Variants in LRRC1 observed in about 807,000 individuals in gnomAD.
The protein encoded by LRRC1 is leucine rich repeat containing 1.
In LRRC1, 28 loss-of-function variants were observed where a neutral mutation model predicts 69.9. The ratio of observed to expected loss-of-function variants is 0.40; its 90% CI spans 0.30 to 0.55. The LOEUF is 0.55. LRRC1 is among the 20% of genes least tolerant of loss of function. LRRC1 has a pLI of 0.47. For synonymous variants in LRRC1, 236 were observed against 240.2 expected, an observed-to-expected ratio of 0.98 and a Z score of 0.16; for missense variants, 498 against 609.0, an observed-to-expected ratio of 0.82 and a Z score of 1.92.
chr6:53,854,041 A>G (rs1416575549), intron 2 of LRRC1, among the ~76,000 whole-genome samples: 1 of 152,204 alleles, frequency 6.6e-6, no homozygotes, highest in Non-Finnish European at 1.5e-5. Flanking sequence ...AAATTTTCTT[A>G]GTGTGGCACA....
intron 2 of LRRC1, among the ~76,000 whole-genome samples, chr6:53,847,627 T>G (rs1765989541): frequency 6.6e-6 from 1 of 152,198 alleles, no homozygotes; most frequent in Admixed American, 6.5e-5. Flanking sequence ...AGTAGGGACA[T>G]TGTCTCATCT....
At chr6:53,887,843 C>T (rs1413862444) in intron 4 of LRRC1, among the ~76,000 whole-genome samples, 3 of 152,016 alleles carry the variant, frequency 2.0e-5, no homozygotes, top group Non-Finnish European at 2.9e-5. Flanking sequence ...CTGCAGATGC[C>T]GGTTGGCATG....
Position 53,803,889 on chromosome 6 carries a change from C to T in LRRC1, c.159+8474C>T, listed in dbSNP as rs72948199. On this transcript the variant is annotated intron_variant, in intron 1 of 13. Coordinates refer to ENST00000370888, the MANE Select transcript of LRRC1 (RefSeq NM_018214.5). The stretch of plus-strand genomic sequence containing the variant: ...GCCACCATAGTCACCTTTCTTTCCG[C>T]AGTCCACCCCCGCTTCTTGGGAAGA... Among the ~76,000 whole-genome samples the T allele has an allele frequency of 2.8e-3, 428 of 152,280 alleles. 2 individuals carry two copies. Among genetic ancestry groups the T allele is most frequent in the Non-Finnish European group, 4.7e-3 (317 of 68,018 alleles).
At chr6:53,845,194 AC>A (rs1220108045) in intron 2 of LRRC1, among the ~76,000 whole-genome samples, 6 of 152,144 alleles carry the variant, frequency 3.9e-5, no homozygotes, top group Admixed American at 3.9e-4. Flanking sequence ...ACAGAGCAAG[AC>A]TCCGTCTCAA....
At chr6:53,853,672 G>C (rs1182492970) in intron 2 of LRRC1, among the ~76,000 whole-genome samples, 1 of 152,206 alleles carries the variant, frequency 6.6e-6, no homozygotes, top group African/African-American at 2.4e-5. Context: ...CATTTCTGGG[G>C]TAACTGTTGT....
rs942447719 is a variant in LRRC1 at position 53,879,135 on chromosome 6, A to T, written c.356+64A>T. 3 of 1,113,072 alleles carry T rather than the reference A, an allele frequency of 2.7e-6. No individual in the cohort carries two copies. The African/African-American group carries it at 4.6e-5, about 17-fold the overall frequency. The allele number at this position is 1,113,072 out of a possible 1,614,324, so 68.9% of individuals were successfully genotyped here. On this transcript the variant is annotated intron_variant, in intron 3 of 13. Transcript: ENST00000370888. ...AGTATCTTTTTTGAGAGCCAAGCGG[A>T]GAACACAGTCAGGTTAACCATCTTG...
In LRRC1 at chr6:53,922,726, C is replaced by G; in HGVS notation, c.1508C>G (p.Ala503Gly). Residue 503 changes from alanine to glycine, a missense_variant, in exon 14 of 14, where the codon GCT (alanine) becomes GGT (glycine). Physicochemically the swap from Ala to Gly is moderately conservative, Grantham distance 60 (BLOSUM62 0). Around this residue, in one of 3 missense-constraint regions of LRRC1, gnomAD observed 162 missense variants for 162.9 expected, o/e 0.99. Transcript: ENST00000370888. ...VENLRNDMNAAKGLDSNKNEV... is the reference protein window; with the variant it reads ...VENLRNDMNAGKGLDSNKNEV... ...AATTTACGGAATGACATGAATGCTGCTAAAGGACTGGACTCAAACAAAAAC... is the reference window on the plus strand; with the variant it reads ...AATTTACGGAATGACATGAATGCTGGTAAAGGACTGGACTCAAACAAAAAC... The G allele has an allele frequency of 6.2e-7, 1 of 1,614,072 alleles. No homozygotes were observed. Among genetic ancestry groups the G allele is most frequent in the Non-Finnish European group, 8.5e-7 (1 of 1,179,938 alleles).
chr6:53,871,130 T>C (rs1184197469), intron 2 of LRRC1, among the ~76,000 whole-genome samples: 1 of 152,246 alleles, frequency 6.6e-6, no homozygotes, highest in Non-Finnish European at 1.5e-5. Flanking sequence ...ATATGCTAAT[T>C]TCATATCCTT....
chr6:53,828,529 G>A (rs149754053), intron 1 of LRRC1, among the ~76,000 whole-genome samples: 232 of 152,352 alleles, frequency 1.5e-3, no homozygotes, highest in African/African-American at 5.3e-3. Flanking sequence ...CCTTCATTCA[G>A]TGTTGACTGA....
At chr6:53,859,369 A>G (rs535913391) in intron 2 of LRRC1, among the ~76,000 whole-genome samples, 34 of 152,304 alleles carry the variant, frequency 2.2e-4, no homozygotes, top group African/African-American at 7.9e-4. Flanking sequence ...ATGCAATCCA[A>G]ATTTCCAGAG....
chr6:53,892,148 A>G (rs1041547619), intron 4 of LRRC1, among the ~76,000 whole-genome samples: 1 of 152,124 alleles, frequency 6.6e-6, no homozygotes, highest in African/African-American at 2.4e-5. Flanking sequence ...ATAGTGGTTA[A>G]GAATGCAGAT....
At chr6:53,816,459 G>T (rs574151887) in intron 1 of LRRC1, among the ~76,000 whole-genome samples, 1 of 151,622 alleles carries the variant, frequency 6.6e-6, no homozygotes, top group Admixed American at 6.6e-5. Context: ...CTTGAATCTC[G>T]TATGAAAGAA....
At chr6:53,867,421 A>C (rs1562050910) in intron 2 of LRRC1, among the ~76,000 whole-genome samples, 1 of 152,116 alleles carries the variant, frequency 6.6e-6, no homozygotes, top group Non-Finnish European at 1.5e-5. Context: ...TCATGTTTTT[A>C]TTTCTAAAGT....
chr6:53,874,172 G>A (rs915702826), intron 2 of LRRC1, among the ~76,000 whole-genome samples: 3 of 152,182 alleles, frequency 2.0e-5, no homozygotes, highest in African/African-American at 7.2e-5. Flanking sequence ...TGGTGGGTGA[G>A]TCACTTCATC....
chr6:53,891,519 T>TAA (rs1389586113), intron 4 of LRRC1, among the ~76,000 whole-genome samples: 70 of 135,926 alleles, frequency 5.1e-4, no homozygotes, highest in Middle Eastern at 3.6e-3. Flanking sequence ...ACCTTTCTTG[T>TAA]AAAAAAAAAA....
chr6:53,833,184 T>C (rs1213657002), intron 1 of LRRC1, among the ~76,000 whole-genome samples: 1 of 152,218 alleles, frequency 6.6e-6, no homozygotes, highest in East Asian at 1.9e-4. Flanking sequence ...AAGTTACCAG[T>C]AAAGTAATGC....
intron 2 of LRRC1, among the ~76,000 whole-genome samples, chr6:53,857,534 A>G (rs1303344275): frequency 4.6e-5 from 7 of 152,236 alleles, no homozygotes; most frequent in African/African-American, 1.4e-4. Context: ...ACTGGTGAAA[A>G]GAAACTTGAG....
intron 1 of LRRC1, among the ~76,000 whole-genome samples, chr6:53,835,179 C>A (rs1229996891): frequency 6.6e-6 from 1 of 152,170 alleles, no homozygotes; most frequent in East Asian, 1.9e-4. Context: ...TTACCGCAAT[C>A]AATTTTAGAA....
rs1157381718 is a variant in LRRC1 at position 53,899,746 on chromosome 6, G to A, written c.643-1G>A. On this transcript the variant is annotated splice_acceptor_variant, in intron 7 of 13. Coordinates refer to ENST00000370888, the MANE Select transcript of LRRC1 (RefSeq NM_018214.5). LOFTEE classifies it high-confidence loss of function. ...TTTATTTTTCCATGTCATTGTTATA[G>A]GAAATAGGAAATCTGAAGAACCTGC... 1 of 1,613,348 alleles carries A rather than the reference G, an allele frequency of 6.2e-7. No individual in the cohort carries two copies. The highest frequency in any genetic ancestry group is 1.3e-5 in the African/African-American group (1 of 74,996).
Sources: gnomAD v4.1 joint callset for allele counts (sites outside exome capture counted in the v4.1 genomes callset) on GRCh38, gnomAD v4.1.1 for gene constraint, gnomAD v4.1.1 regional missense constraint, MANE v1.5 for transcripts, NCBI Gene and HGNC (gene_info 2026-07-23, HGNC 2026-07-21) for gene names.